Variants in MLIP observed in about 807,000 individuals in gnomAD.
The protein encoded by MLIP is muscular LMNA interacting protein, also known as muscular LMNA-interacting protein.
In MLIP, 79 loss-of-function variants were observed where a neutral mutation model predicts 84.8. That is an observed-to-expected ratio of 0.93 (90% CI 0.78 to 1.12). The LOEUF is 1.12. MLIP is among the 50% of genes most tolerant of loss of function. The probability of loss-of-function intolerance (pLI) is 0.00; values close to 1 mark genes in which losing one functional copy is unlikely to be tolerated. For missense variants in MLIP, 1,257 were observed against 1,160.6 expected, an observed-to-expected ratio of 1.08 and a Z score of -1.21; for synonymous variants, 504 against 463.0, an observed-to-expected ratio of 1.09 and a Z score of -1.14.
At chr6:54,100,266 A>C (rs1768543436) in intron 1 of MLIP, among the ~76,000 whole-genome samples, 1 of 150,332 alleles carries the variant, frequency 6.7e-6, no homozygotes, top group African/African-American at 2.4e-5. Flanking sequence ...TAGTGTCTTT[A>C]TTTTAATTTG....
intron 1 of MLIP, among the ~76,000 whole-genome samples, chr6:54,077,897 G>A (rs1766899444): frequency 6.6e-6 from 1 of 152,170 alleles, no homozygotes; most frequent in Non-Finnish European, 1.5e-5. Context: ...GGATTATGGA[G>A]CATTTTTTCG....
At chr6:54,165,371 C>G (rs1269806099) in intron 8 of MLIP, among the ~76,000 whole-genome samples, 1 of 151,888 alleles carries the variant, frequency 6.6e-6, no homozygotes. Context: ...GGGAAAGATT[C>G]ATCAGAAGCT....
chr6:54,044,209 A>G (rs533642514), intron 1 of MLIP, among the ~76,000 whole-genome samples: 11 of 152,304 alleles, frequency 7.2e-5, no homozygotes, highest in African/African-American at 2.6e-4. Flanking sequence ...GCCAATTACC[A>G]TGGTCTTTGG....
At chr6:54,085,680 G>A (rs1767439836) in intron 1 of MLIP, among the ~76,000 whole-genome samples, 1 of 152,180 alleles carries the variant, frequency 6.6e-6, no homozygotes, top group African/African-American at 2.4e-5. Context: ...CCTGTTAGAA[G>A]CCTTCAACTT....
intron 1 of MLIP, among the ~76,000 whole-genome samples, chr6:54,038,955 CAA>C (rs1231413992): frequency 4.6e-5 from 7 of 151,780 alleles, no homozygotes; most frequent in Non-Finnish European, 7.4e-5. Context: ...ACATTCTCGC[CAA>C]AGACATCATA....
At chr6:54,164,722 T>G (rs1453842082) in intron 8 of MLIP, among the ~76,000 whole-genome samples, 1 of 152,000 alleles carries the variant, frequency 6.6e-6, no homozygotes, top group African/African-American at 2.4e-5. Context: ...ATATAGTCTG[T>G]AGTCACTTTA....
chr6:54,265,924 G>A, intron 13 of MLIP, 26 bp from the exon 14 acceptor site: 3 of 1,606,926 alleles, frequency 1.9e-6, no homozygotes, highest in Non-Finnish European at 2.6e-6. Context: ...ATCTTAACCT[G>A]ACTACCATAT....
chr6:54,189,641 A>G (rs916294233), intron 9 of MLIP, among the ~76,000 whole-genome samples: 37 of 152,308 alleles, frequency 2.4e-4, no homozygotes, highest in African/African-American at 8.7e-4. Flanking sequence ...CATCATATTC[A>G]CTATTATGTA....
At chr6:54,264,349 A>T in intron 13 of MLIP, among the ~76,000 whole-genome samples, 1 of 152,020 alleles carries the variant, frequency 6.6e-6, no homozygotes, top group Admixed American at 6.6e-5. Flanking sequence ...TCAGAAGCCA[A>T]ACTCAATATA....
intron 9 of MLIP, among the ~76,000 whole-genome samples, chr6:54,187,468 C>T (rs11969471): frequency 0.093 from 14,108 of 152,078 alleles, 833 homozygotes; most frequent in East Asian, 0.21. Flanking sequence ...AACATTATAA[C>T]GTGTTATAGA....
intron 12 of MLIP, among the ~76,000 whole-genome samples, chr6:54,249,470 T>A (rs77685646): frequency 6.7e-6 from 1 of 148,684 alleles, no homozygotes; most frequent in African/African-American, 2.6e-5. Context: ...TAGCTAATTC[T>A]TTTTTTTTGA....
intron 4 of MLIP, among the ~76,000 whole-genome samples, chr6:54,145,950 A>T (rs1772788127): frequency 6.6e-6 from 1 of 152,198 alleles, no homozygotes; most frequent in South Asian, 2.1e-4. Flanking sequence ...GAGTGAAGAT[A>T]AAAATGACAC....
chr6:54,240,645 G>T (rs1023166648), intron 12 of MLIP, among the ~76,000 whole-genome samples: 1 of 152,158 alleles, frequency 6.6e-6, no homozygotes, highest in Non-Finnish European at 1.5e-5. Flanking sequence ...CTCAGATTGG[G>T]CTGTTTGCTT....
intron 11 of MLIP, chr6:54,218,046 G>C (rs1366016423): frequency 2.1e-6 from 2 of 957,430 alleles, no homozygotes; most frequent in Non-Finnish European, 2.5e-6. Context: ...GCCAAACCTG[G>C]CTCACCAGTG....
Position 54,250,722 on chromosome 6 carries a change from C to T in MLIP, c.2923-6586C>T, listed in dbSNP as rs538152724. On this transcript the variant is annotated intron_variant, in intron 12 of 13. Coordinates refer to ENST00000502396, the MANE Select transcript of MLIP (RefSeq NM_001281747.2). ...TTTTACCCATCCACCTGAATTTTCTCCCTATTTTTCAACCAGCCCAATTGT... is the reference window on the plus strand; with the variant it reads ...TTTTACCCATCCACCTGAATTTTCTTCCTATTTTTCAACCAGCCCAATTGT... Among the ~76,000 whole-genome samples, 6 of 152,196 alleles carry T rather than the reference C, an allele frequency of 3.9e-5. No homozygotes were observed. The East Asian group carries it at 1.2e-3, about 29-fold the overall frequency.
chr6:54,254,642 C>T (rs1263317896), intron 12 of MLIP, among the ~76,000 whole-genome samples: 1 of 152,040 alleles, frequency 6.6e-6, no homozygotes, highest in East Asian at 1.9e-4. Context: ...CTTCTTTGCT[C>T]ATCCTGGAAA....
intron 4 of MLIP, among the ~76,000 whole-genome samples, chr6:54,148,060 A>G (rs1426899155): frequency 1.3e-5 from 2 of 152,166 alleles, no homozygotes; most frequent in Non-Finnish European, 2.9e-5. Flanking sequence ...TCCTTCAATT[A>G]CATCTATAAA....
In MLIP at chr6:54,137,097, C is replaced by G. The variant is rs939680881; in HGVS notation, c.1028C>G (p.Pro343Arg). Reference protein sequence around the residue: ...TSHVLSHGESPRTSSSPPSSS... With the variant: ...TSHVLSHGESRRTSSSPPSSS... Reference sequence around the variant, plus strand: ...CATGTCCTTAGTCACGGAGAAAGTCCGAGAACCTCTTCTTCTCCACCGTCC... The same window carrying G: ...CATGTCCTTAGTCACGGAGAAAGTCGGAGAACCTCTTCTTCTCCACCGTCC... Residue 343 changes from proline to arginine, a missense_variant, in exon 4 of 14, where the codon CCG becomes CGG. Transcript: ENST00000502396. The G allele has an allele frequency of 2.0e-6, 3 of 1,535,896 alleles. No individual in the cohort carries two copies. The highest frequency in any genetic ancestry group is 1.4e-5 in the African/African-American group (1 of 73,018).
chr6:54,147,056 G>A (rs1416235061), intron 4 of MLIP, among the ~76,000 whole-genome samples: 2 of 152,108 alleles, frequency 1.3e-5, no homozygotes, highest in Non-Finnish European at 2.9e-5. Context: ...TTTTAGAATG[G>A]TACCTGGCTC....
Sources: allele counts gnomAD v4.1 joint callset (sites outside exome capture counted in the v4.1 genomes callset), GRCh38; gene constraint gnomAD v4.1.1; transcripts MANE v1.5; gene names NCBI Gene and HGNC (gene_info 2026-07-23, HGNC 2026-07-21).